The following GC variants were observed in gnomAD, a reference collection of about 807,000 sequenced individuals.
The protein encoded by GC is GC vitamin D binding protein, also known as vitamin D-binding protein.
A neutral mutation model predicts 56.7 loss-of-function variants in GC; 43 were observed. The ratio of observed to expected loss-of-function variants is 0.76; its 90% CI spans 0.59 to 0.98. The LOEUF is 0.98. Among genes scored for constraint, GC ranks in the 50% least tolerant of loss-of-function variants. GC has a pLI of 0.00. For synonymous variants in GC, 216 were observed against 202.7 expected, an observed-to-expected ratio of 1.07 and a Z score of -0.56; for missense variants, 529 against 545.9, an observed-to-expected ratio of 0.97 and a Z score of 0.31.
chr4:71,793,851 C>T (rs868630164), intron 1 of GC, among the ~76,000 whole-genome samples: 3 of 151,896 alleles, frequency 2.0e-5, no homozygotes, highest in East Asian at 3.9e-4. Flanking sequence ...GTTTATTGAG[C>T]GTTTTTAGCA....
intron 1 of GC, among the ~76,000 whole-genome samples, chr4:71,772,135 T>C (rs1039239197): frequency 5.3e-5 from 8 of 152,146 alleles, no homozygotes; most frequent in Non-Finnish European, 8.8e-5. Flanking sequence ...TCATCATCTA[T>C]AAGATCACTT....
intron 1 of GC, among the ~76,000 whole-genome samples, chr4:71,792,034 G>C (rs912637054): frequency 1.3e-5 from 2 of 152,040 alleles, no homozygotes; most frequent in South Asian, 2.1e-4. Context: ...CATGGTGTAT[G>C]TGTGCCACAT....
chr4:71,778,224 A>T (rs879893291), intron 1 of GC, among the ~76,000 whole-genome samples: 11 of 151,934 alleles, frequency 7.2e-5, no homozygotes, highest in African/African-American at 9.6e-5. Context: ...GTTAAATGTA[A>T]ACATATTTAA....
Position 71,765,492 on chromosome 4 carries a change from T to G in GC, c.413A>C (p.Glu138Ala), listed in dbSNP as rs1379467761. Residue 138 changes from glutamate (E) to alanine (A), a missense_variant, in exon 4 of 13, where the codon GAA (glutamate) becomes GCA (alanine). Physicochemically the swap from Glu to Ala is moderately radical, Grantham distance 107. Transcript: ENST00000273951. The stretch of plus-strand genomic sequence containing the variant: ...CTCACAGATTTCATCATTTGTGGGT[T>G]CCACGTAGGTAGGGAATTCCTGTGG... ...HQPQEFPTYVEPTNDEICEAF... is the reference protein window; with the variant it reads ...HQPQEFPTYVAPTNDEICEAF... The G allele has an allele frequency of 1.2e-6, 2 of 1,614,036 alleles. No homozygotes were observed.
At chr4:71,787,937 A>T (rs1423365676), upstream of GC, among the ~76,000 whole-genome samples, 1 of 151,706 alleles carries the variant, frequency 6.6e-6, no homozygotes, top group Non-Finnish European at 1.5e-5. Context: ...TGGGTCCATG[A>T]CTCTGGAGCT....
chr4:71,756,769 A>G lies in GC; in HGVS notation c.977T>C (p.Val326Ala). Residue 326 changes from valine (V) to alanine (A), a missense_variant, in exon 8 of 13, where the codon GTA becomes GCA. By Grantham distance (64) the Val-to-Ala change is moderately conservative. Transcript: ENST00000273951. ...PAAQLPELPDVELPTNKDVCD... is the reference protein window; with the variant it reads ...PAAQLPELPDAELPTNKDVCD... Reference sequence around the variant, plus strand: ...CACATCTTTGTTTGTGGGCAACTCTACATCTGGAAGCTCGGGGAGTTGGGC... The same window carrying G: ...CACATCTTTGTTTGTGGGCAACTCTGCATCTGGAAGCTCGGGGAGTTGGGC... 1 of 1,613,872 alleles carries G rather than the reference A, an allele frequency of 6.2e-7. No individual in the cohort carries two copies.
At chr4:71,800,256 G>A (rs1025647070) in intron 1 of GC, among the ~76,000 whole-genome samples, 7 of 151,868 alleles carry the variant, frequency 4.6e-5, no homozygotes, top group Admixed American at 1.3e-4. Context: ...GGCAGGCCCC[G>A]GTGTGTGTTG....
At position 71,765,518 on chromosome 4, in the gene GC, C is replaced by T. The variant is rs777668528; in HGVS notation, c.387G>A (p.Gln129=). The T allele has an allele frequency of 3.7e-6, 6 of 1,613,866 alleles. No homozygotes were observed. The African/African-American group carries it at 6.7e-5, about 18-fold the overall frequency. Residue 129 remains glutamine (Q), a synonymous_variant, in exon 4 of 13, where the codon CAG becomes CAA. Transcript: ENST00000273951. ...RKLCMAALKH[Q]PQEFPTYVEP... ...CCACGTAGGTAGGGAATTCCTGTGGCTGGTGTTTCAGAGCAGCCATGCAGA... is the reference window on the plus strand; with the variant it reads ...CCACGTAGGTAGGGAATTCCTGTGGTTGGTGTTTCAGAGCAGCCATGCAGA...
chr4:71,795,047 T>G (rs1341078305), intron 1 of GC, among the ~76,000 whole-genome samples: 1 of 152,190 alleles, frequency 6.6e-6, no homozygotes, highest in Non-Finnish European at 1.5e-5. Flanking sequence ...TTCTGTTCTT[T>G]TACATTTGCT....
chr4:71,764,661 C>G (rs1742100953), intron 4 of GC, among the ~76,000 whole-genome samples: 2 of 152,060 alleles, frequency 1.3e-5, no homozygotes, highest in South Asian at 4.1e-4. Flanking sequence ...GAAATAATTT[C>G]TATTTCTGGG....
intron 1 of GC, among the ~76,000 whole-genome samples, chr4:71,801,398 C>T (rs1743245225): frequency 6.6e-6 from 1 of 152,176 alleles, no homozygotes; most frequent in Non-Finnish European, 1.5e-5. Flanking sequence ...CCTGCAAATT[C>T]CACTGGTTTT....
At chr4:71,761,255 A>G (rs1741966309) in intron 6 of GC, among the ~76,000 whole-genome samples, 1 of 152,230 alleles carries the variant, frequency 6.6e-6, no homozygotes, top group Admixed American at 6.5e-5. Context: ...GTTATGTATT[A>G]GCAAAGAGAC....
At chr4:71,753,527 T>C (rs1199915923) in intron 10 of GC, among the ~76,000 whole-genome samples, 4 of 151,350 alleles carry the variant, frequency 2.6e-5, no homozygotes. Context: ...GAATAGGATC[T>C]GAGAAATTTA....
At chr4:71,763,135 G>A (rs1312797089) in intron 6 of GC, among the ~76,000 whole-genome samples, 2 of 151,942 alleles carry the variant, frequency 1.3e-5, no homozygotes, top group Non-Finnish European at 2.9e-5. Flanking sequence ...ATGCTAATAT[G>A]AACACTGAAA....
At chr4:71,751,269 G>A (rs1048861436) in intron 11 of GC, among the ~76,000 whole-genome samples, 3 of 152,108 alleles carry the variant, frequency 2.0e-5, no homozygotes, top group Non-Finnish European at 2.9e-5. Context: ...TAAGACACTT[G>A]AAATCTCAGA....
chr4:71,765,724 G>A, intron 3 of GC, 81 bp from the exon 4 acceptor site: 1 of 838,184 alleles, frequency 1.2e-6, no homozygotes, highest in Non-Finnish European at 1.9e-6. Context: ...TAATATCTTA[G>A]CCTATAATTA....
intron 6 of GC, among the ~76,000 whole-genome samples, chr4:71,762,975 T>C (rs1464548591): frequency 1.3e-5 from 2 of 152,206 alleles, no homozygotes; most frequent in African/African-American, 4.8e-5. Context: ...AAGAGATATA[T>C]ACTGTATAGC....
intron 1 of GC, among the ~76,000 whole-genome samples, chr4:71,795,968 A>T (rs1743092146): frequency 6.6e-6 from 1 of 152,184 alleles, no homozygotes; most frequent in African/African-American, 2.4e-5. Flanking sequence ...TTTCTTTAAG[A>T]ATTTTGAATA....
chr4:71,744,543 T>G (rs916363870), intron 12 of GC, among the ~76,000 whole-genome samples: 1 of 151,894 alleles, frequency 6.6e-6, no homozygotes, highest in African/African-American at 2.4e-5. Context: ...TACTTCCTCC[T>G]TACTTACCTT....
Sources: gnomAD v4.1 joint callset for allele counts (sites outside exome capture counted in the v4.1 genomes callset) on GRCh38, gnomAD v4.1.1 for gene constraint, MANE v1.5 for transcripts, NCBI Gene and HGNC (gene_info 2026-07-23, HGNC 2026-07-21) for gene names.